The following MAX variants were observed in gnomAD, a reference collection of about 807,000 sequenced individuals.
MAX encodes protein max.
MAX carries 3 observed loss-of-function variants against 22.3 expected under a neutral mutation model. The ratio of observed to expected loss-of-function variants is 0.13; its 90% CI spans 0.06 to 0.35. The LOEUF is 0.35. Ranked by LOEUF, MAX falls within the 10% of genes least tolerant of loss-of-function variation. The pLI is 1.00. For synonymous variants in MAX, 72 were observed against 77.7 expected, an observed-to-expected ratio of 0.93 and a Z score of 0.39; for missense variants, 119 against 209.4, an observed-to-expected ratio of 0.57 and a Z score of 2.66.
intron 3 of MAX, among the ~76,000 whole-genome samples, chr14:65,057,393 T>C (rs2062760056): frequency 1.3e-5 from 2 of 152,158 alleles, no homozygotes; most frequent in African/African-American, 2.4e-5. Context: ...TGCTCCAGTC[T>C]GGGAGATAGA....
Position 65,062,253 on chromosome 14 carries a change from T to C in MAX, c.171+31455A>G, listed in dbSNP as rs1322791839. 6.6e-6 allele frequency: 1 copy of C among 152,294 alleles called. No individual in the cohort carries two copies. The highest frequency in any genetic ancestry group is 2.4e-5 in the African/African-American group (1 of 41,476). 9.4% of individuals were successfully genotyped at this position (152,294 alleles called of 1,614,324 possible). A position where few individuals can be genotyped will look rare whatever the true frequency, so the allele number is the denominator to read the frequency against. ...CCAAGAGTATTAACACTACTAAGTC[T>C]TTCACCTTAACTTATGACTCAGGAT... On this transcript the variant is annotated intron_variant, in intron 3 of 3. Transcript: ENST00000341653. This position sits in a 1 kb window ranked among gnomAD's most constrained non-coding sequence, Gnocchi z 4.3.
In MAX at chr14:65,047,491, G is replaced by A; in HGVS notation, c.172-41207C>T. ...AGTGGCACTATTTGTTTTTATTATT[G>A]GATTGGCAGAGATTAAAAAACTTGA... On this transcript the variant is annotated intron_variant, in intron 3 of 3. Coordinates refer to the MAX transcript ENST00000341653. The surrounding 1 kb of genome is among the most constrained non-coding windows in gnomAD (Gnocchi z 5.2). Among the ~76,000 whole-genome samples the A allele has an allele frequency of 6.6e-6, 1 of 152,142 alleles. No individual in the cohort carries two copies. Among genetic ancestry groups the A allele is most frequent in the East Asian group, 1.9e-4 (1 of 5,194 alleles).
chr14:65,034,980 T>C (rs1365180083), intron 3 of MAX, among the ~76,000 whole-genome samples: 2 of 152,194 alleles, frequency 1.3e-5, no homozygotes, highest in Admixed American at 6.5e-5. Context: ...CTACAAACTG[T>C]CACTCATGCA....
chr14:65,006,567 G>A (rs2061595274), intron 3 of MAX, among the ~76,000 whole-genome samples: 1 of 152,188 alleles, frequency 6.6e-6, no homozygotes, highest in African/African-American at 2.4e-5. Context: ...ATAATGGTGA[G>A]GGTGTGGGTG....
chr14:65,094,081 G>C lies in MAX; in HGVS notation c.64-266C>G, dbSNP rs1392676798. On this transcript the variant is annotated intron_variant, in intron 2 of 4. Coordinates refer to ENST00000358664, the MANE Select transcript of MAX (RefSeq NM_002382.5). ...ATAAGTAAAATAAAAGTTATTCAGG[G>C]GGACAAAGTGTGACTCTCCTGTAAC... 3 of 456,110 alleles carry C rather than the reference G, an allele frequency of 6.6e-6. No homozygotes were observed. The Admixed American group carries it at 1.0e-4, about 15-fold the overall frequency. 28.3% of individuals were successfully genotyped at this position (456,110 alleles called of 1,614,324 possible).
At position 65,061,251 on chromosome 14, in the gene MAX, A is replaced by C. The variant is rs145309091; in HGVS notation, c.171+32457T>G. On this transcript the variant is annotated intron_variant, in intron 3 of 3. Transcript: ENST00000341653. The stretch of plus-strand genomic sequence containing the variant: ...CAGGCCACTACATACTTTCTACAGA[A>C]GCCAGTCCCAGGTTTTGAGGAGCTT... 1,414 of 1,614,084 alleles carry C rather than the reference A, an allele frequency of 8.8e-4. 3 individuals carry two copies. Among genetic ancestry groups the C allele is most frequent in the Non-Finnish European group, 1.1e-3 (1,276 of 1,180,044 alleles).
At chr14:65,056,217 ATC>A (rs1232697590) in intron 3 of MAX, among the ~76,000 whole-genome samples, 4 of 152,116 alleles carry the variant, frequency 2.6e-5, no homozygotes, top group Non-Finnish European at 4.4e-5. Flanking sequence ...TTTGAGGTTT[ATC>A]TGTGTTCACA....
In MAX at chr14:65,079,068, T is replaced by C. The variant is rs920704937; in HGVS notation, c.172-1032A>G. Among the ~76,000 whole-genome samples the C allele has an allele frequency of 8.5e-5, 13 of 152,232 alleles. No individual in the cohort carries two copies. The highest frequency in any genetic ancestry group is 1.6e-4 in the Non-Finnish European group (11 of 68,036). On this transcript the variant is annotated intron_variant, in intron 3 of 4. Coordinates refer to ENST00000358664, the MANE Select transcript of MAX (RefSeq NM_002382.5). This position sits in a 1 kb window ranked among gnomAD's most constrained non-coding sequence, Gnocchi z 4.5. ...TGCTTTAAAGTCTTTAGCTTGGCTA[T>C]GTCTGGAAACATTAAAATACTACTT...
At chr14:65,065,506 T>C (rs1302332051) in intron 3 of MAX, among the ~76,000 whole-genome samples, 1 of 152,154 alleles carries the variant, frequency 6.6e-6, no homozygotes. Flanking sequence ...CTAGGCTAGA[T>C]GGGGTAGCCT....
rs755139374 is a variant in MAX at position 65,078,002 on chromosome 14, T to G, written c.206A>C (p.Glu69Ala). Residue 69 changes from glutamate to alanine, a missense_variant, in exon 4 of 5, where the codon GAA (glutamate) becomes GCA (alanine). This residue lies in a region of MAX where 95 missense variants were observed against 148.1 expected (regional missense o/e 0.64). Coordinates refer to ENST00000358664, the MANE Select transcript of MAX (RefSeq NM_002382.5). The surrounding 1 kb of genome is among the most constrained non-coding windows in gnomAD (Gnocchi z 6.4). ...TTTCCTTCGCATATACTGGATATAT[T>G]CTGTGGCTTTGTCTAGGATTTGGGC... ...SRAQILDKAT[E>A]YIQYMRRKNH... is the part of the protein sequence containing the mutation. 1 of 1,614,174 alleles carries G rather than the reference T, an allele frequency of 6.2e-7. No individual in the cohort carries two copies.
At chr14:65,085,149 ATACT>A (rs1362499692) in intron 3 of MAX, among the ~76,000 whole-genome samples, 10 of 152,362 alleles carry the variant, frequency 6.6e-5, no homozygotes, top group Admixed American at 2.0e-4. Context: ...TGTTGAGATC[ATACT>A]TACTTTTGAA....
intron 1 of MAX, 161 bp from the exon 2 acceptor site, chr14:65,101,733 C>T (rs1305582267): frequency 3.1e-6 from 2 of 646,464 alleles, no homozygotes; most frequent in East Asian, 2.7e-5. Flanking sequence ...CACCCTTCCA[C>T]CCTCGGCGGG....
At chr14:65,015,770 T>C in intron 3 of MAX, 1 of 1,584,276 alleles carries the variant, frequency 6.3e-7, no homozygotes, top group Non-Finnish European at 8.6e-7. Flanking sequence ...ATTTTGAGTT[T>C]GGGATTTTGT....
chr14:65,045,075 C>T (rs2062445493), intron 3 of MAX, among the ~76,000 whole-genome samples: 1 of 152,188 alleles, frequency 6.6e-6, no homozygotes. Flanking sequence ...TGTGGGGTCT[C>T]AAATGGGAAC....
At chr14:65,006,845 A>T (rs72728238) in intron 3 of MAX, among the ~76,000 whole-genome samples, 13,685 of 152,258 alleles carry the variant, frequency 0.09, 855 homozygotes, top group Admixed American at 0.16. Context: ...ATGGGAGGTT[A>T]TAGTCTGGGA....
chr14:65,091,404 T>C (rs1434111538), intron 3 of MAX, among the ~76,000 whole-genome samples: 1 of 152,240 alleles, frequency 6.6e-6, no homozygotes, highest in African/African-American at 2.4e-5. Context: ...AGGAGGATTC[T>C]GAAATTAGAA....
chr14:65,043,585 G>C (rs2062400109), intron 3 of MAX, among the ~76,000 whole-genome samples: 1 of 152,096 alleles, frequency 6.6e-6, no homozygotes, highest in East Asian at 1.9e-4. Context: ...CACTTTGGGA[G>C]GCCGAGGCGG....
rs2062021204 is a variant in MAX at position 65,028,364 on chromosome 14, T to C, written c.172-22080A>G. ...GTACCAAGCAAGTTGCTTCCTCACC[T>C]GGCAGATTACTTATGAGGCATACAG... On this transcript the variant is annotated intron_variant, in intron 3 of 3. Coordinates refer to the MAX transcript ENST00000341653. The surrounding 1 kb of genome is among the most constrained non-coding windows in gnomAD (Gnocchi z 4.4). 6.6e-6 allele frequency among the ~76,000 whole-genome samples: 1 copy of C among 152,242 alleles called. No individual in the cohort carries two copies. The highest frequency in any genetic ancestry group is 6.5e-5 in the Admixed American group (1 of 15,290).
intron 3 of MAX, among the ~76,000 whole-genome samples, chr14:65,019,055 G>A (rs914507302): frequency 2.0e-5 from 3 of 151,844 alleles, no homozygotes; most frequent in South Asian, 2.1e-4. Flanking sequence ...CTGCACTCCC[G>A]GCTCCTACTC....
Sources: allele counts gnomAD v4.1 joint callset (sites outside exome capture counted in the v4.1 genomes callset), GRCh38; gene constraint gnomAD v4.1.1; regional missense constraint gnomAD v4.1.1; non-coding constraint Gnocchi (gnomAD v3.1); transcripts MANE v1.5; gene names NCBI Gene and HGNC (gene_info 2026-07-23, HGNC 2026-07-21).